The following DACH2 variants were observed in gnomAD, a reference collection of about 807,000 sequenced individuals.
The protein encoded by DACH2 is dachshund homolog 2.
DACH2 carries 17 observed loss-of-function variants against 35.8 expected under a neutral mutation model. The ratio of observed to expected loss-of-function variants is 0.48; its 90% CI spans 0.33 to 0.71. The LOEUF is 0.71. Ranked by LOEUF, DACH2 falls within the 30% of genes least tolerant of loss-of-function variation. DACH2 has a pLI of 0.02. For synonymous variants in DACH2, 195 were observed against 177.3 expected, an observed-to-expected ratio of 1.10 and a Z score of -0.79; for missense variants, 469 against 472.7, an observed-to-expected ratio of 0.99 and a Z score of 0.07.
rs192058202 is a variant in DACH2 at position 86,521,164 on chromosome X, C to T, written c.640+6773C>T. Among the ~76,000 whole-genome samples, 329 of 111,530 alleles carry T rather than the reference C, an allele frequency of 2.9e-3. 2 individuals are homozygous for T. Among genetic ancestry groups the T allele is most frequent in the African/African-American group, 9.7e-3 (298 of 30,725 alleles). Reference sequence around the variant, plus strand: ...TATTTCTCCTTCACTTAGGAAGCTACGTTTGGCTGGATATGAAATTCTTCG... The same window carrying T: ...TATTTCTCCTTCACTTAGGAAGCTATGTTTGGCTGGATATGAAATTCTTCG... On this transcript the variant is annotated intron_variant, in intron 3 of 11. Coordinates refer to ENST00000373125, the MANE Select transcript of DACH2 (RefSeq NM_053281.3).
chrX:86,466,348 G>A lies in DACH2; in HGVS notation c.528-47931G>A, dbSNP rs779960901. Among the ~76,000 whole-genome samples the A allele has an allele frequency of 4.1e-4, 45 of 110,174 alleles. 1 individual carries two copies. Among genetic ancestry groups the A allele is most frequent in the Non-Finnish European group, 7.0e-4 (37 of 52,770 alleles). ...TACAATACAAGATGAGATTTGGGTG[G>A]GGACACAGAGCCAAACCCATTGGGT... is the stretch of plus-strand genomic sequence containing the variant. On this transcript the variant is annotated intron_variant, in intron 2 of 11. Coordinates refer to ENST00000373125, the MANE Select transcript of DACH2 (RefSeq NM_053281.3).
At chrX:86,261,593 A>G (rs1160299048) in intron 1 of DACH2, among the ~76,000 whole-genome samples, 1 of 111,752 alleles carries the variant, frequency 8.9e-6, no homozygotes, top group African/African-American at 3.3e-5. Flanking sequence ...AATGGACTTA[A>G]AACTGCCAAA....
At chrX:86,821,184 T>C (rs2042508531) in intron 11 of DACH2, among the ~76,000 whole-genome samples, 1 of 111,029 alleles carries the variant, frequency 9.0e-6, no homozygotes, top group Non-Finnish European at 1.9e-5. Context: ...CATTAATTAT[T>C]AATTTCCCTC....
chrX:86,291,479 G>A (rs1412133055), intron 1 of DACH2, among the ~76,000 whole-genome samples: 3 of 104,247 alleles, frequency 2.9e-5, no homozygotes, highest in Admixed American at 1.1e-4. Context: ...GGAGTGGTGA[G>A]AGAGGGCATC....
At chrX:86,742,614 A>T in intron 7 of DACH2, 2 of 226,448 alleles carry the variant, frequency 8.8e-6, no homozygotes. Flanking sequence ...TCACATAGAA[A>T]ACTACTCAGT....
In DACH2 at chrX:86,798,243, G is replaced by A. The variant is rs2042258230; in HGVS notation, c.1241-14613G>A. Reference sequence around the variant, plus strand: ...ATCCAGCAATGGTACAGATGAGAGTGTGGTATGTGCTGGGGCATCTGCACA... The same window carrying A: ...ATCCAGCAATGGTACAGATGAGAGTATGGTATGTGCTGGGGCATCTGCACA... On this transcript the variant is annotated intron_variant, in intron 7 of 11. Coordinates refer to ENST00000373125, the MANE Select transcript of DACH2 (RefSeq NM_053281.3). Among the ~76,000 whole-genome samples the A allele has an allele frequency of 2.7e-5, 3 of 111,929 alleles. No individual in the cohort carries two copies. The South Asian group carries it at 1.1e-3, about 42-fold the overall frequency.
At chrX:86,471,667 C>T (rs1182050062) in intron 2 of DACH2, among the ~76,000 whole-genome samples, 1 of 110,960 alleles carries the variant, frequency 9.0e-6, no homozygotes, top group Non-Finnish European at 1.9e-5. Flanking sequence ...AGACAGTTGA[C>T]AGGCATCATA....
chrX:86,577,441 A>G (rs1204119859), intron 3 of DACH2, among the ~76,000 whole-genome samples: 1 of 111,689 alleles, frequency 9.0e-6, no homozygotes, highest in East Asian at 2.8e-4. Flanking sequence ...ATGGAAGAAT[A>G]GGCTTTTTAT....
At chrX:86,755,877 G>A (rs1296605147) in intron 7 of DACH2, among the ~76,000 whole-genome samples, 2 of 110,779 alleles carry the variant, frequency 1.8e-5, no homozygotes, top group Non-Finnish European at 3.8e-5. Context: ...GATTACAGGC[G>A]TGAGCCACCG....
intron 1 of DACH2, among the ~76,000 whole-genome samples, chrX:86,315,509 C>T (rs906499621): frequency 7.2e-5 from 8 of 111,312 alleles, no homozygotes; most frequent in African/African-American, 2.6e-4. Flanking sequence ...AAGGCTATAG[C>T]GGCCACAGAT....
intron 3 of DACH2, among the ~76,000 whole-genome samples, chrX:86,546,434 CTCT>C (rs1399649382): frequency 0.016 from 467 of 28,543 alleles, 10 homozygotes; most frequent in African/African-American, 0.057. Context: ...CTTCTTCTTC[CTCT>C]TCTTCTTCTT....
At chrX:86,779,013 A>C (rs1209628758) in intron 7 of DACH2, among the ~76,000 whole-genome samples, 1 of 112,085 alleles carries the variant, frequency 8.9e-6, no homozygotes, top group African/African-American at 3.2e-5. Context: ...AAAAGAGACA[A>C]AATTGCCTGC....
At chrX:86,156,346 A>G (rs1238577920) in intron 1 of DACH2, among the ~76,000 whole-genome samples, 2 of 111,636 alleles carry the variant, frequency 1.8e-5, no homozygotes, top group Non-Finnish European at 3.8e-5. Context: ...AATGAATACA[A>G]CTATGCATAC....
intron 3 of DACH2, among the ~76,000 whole-genome samples, chrX:86,556,869 G>A (rs980956223): frequency 6.1e-5 from 6 of 98,961 alleles, no homozygotes; most frequent in African/African-American, 2.2e-4. Flanking sequence ...ATGCAGTTAC[G>A]GAGGCTGAGA....
At position 86,337,889 on chromosome X, in the gene DACH2, CA is replaced by C. The variant is rs762063038; in HGVS notation, c.489-38927del. On this transcript the variant is annotated intron_variant, in intron 1 of 11. Coordinates refer to ENST00000373125, the MANE Select transcript of DACH2 (RefSeq NM_053281.3). The stretch of plus-strand genomic sequence containing the variant: ...GATTATTTACCAAGTAAATGGAAAT[CA>C]AAAAAAATCAGGGGTTGCAGACCTA... Among the ~76,000 whole-genome samples the C allele has an allele frequency of 9.7e-4, 105 of 108,132 alleles. 1 individual carries two copies. Among genetic ancestry groups the C allele is most frequent in the Middle Eastern group, 4.7e-3 (1 of 211 alleles). 93.9% of individuals were successfully genotyped at this position (108,132 alleles called of 115,157 possible).
chrX:86,540,560 G>T (rs773501922), intron 3 of DACH2, among the ~76,000 whole-genome samples: 1 of 112,344 alleles, frequency 8.9e-6, no homozygotes, highest in South Asian at 3.7e-4. Context: ...GAGTTATATT[G>T]TCTGGTGAAT....
intron 3 of DACH2, among the ~76,000 whole-genome samples, chrX:86,627,500 G>A (rs983338365): frequency 2.7e-5 from 3 of 111,031 alleles, no homozygotes; most frequent in African/African-American, 6.5e-5. Flanking sequence ...CAAAACATGT[G>A]GATATATAAT....
At chrX:86,331,192 A>G (rs1359265307) in intron 1 of DACH2, among the ~76,000 whole-genome samples, 5 of 111,195 alleles carry the variant, frequency 4.5e-5, no homozygotes, top group Non-Finnish European at 9.4e-5. Context: ...CTATTATTAT[A>G]GCAAAACATC....
chrX:86,565,249 TTA>T (rs2039279041), intron 3 of DACH2, among the ~76,000 whole-genome samples: 1 of 111,733 alleles, frequency 8.9e-6, no homozygotes, highest in Non-Finnish European at 1.9e-5. Flanking sequence ...CCATGAAAAT[TTA>T]GTCATTACTT....
Sources: allele counts gnomAD v4.1 joint callset (sites outside exome capture counted in the v4.1 genomes callset), GRCh38; gene constraint gnomAD v4.1.1; transcripts MANE v1.5; gene names NCBI Gene and HGNC (gene_info 2026-07-23, HGNC 2026-07-21).